CLSTN2: variants seen among roughly 807,000 people sequenced by gnomAD.
The protein encoded by CLSTN2 is calsyntenin-2.
CLSTN2 carries 48 observed loss-of-function variants against 101.2 expected under a neutral mutation model. That is an observed-to-expected ratio of 0.47 (90% CI 0.38 to 0.60). The LOEUF (loss-of-function observed/expected upper bound fraction) is 0.60, where lower values mean the gene tolerates loss of function less well. Ranked by LOEUF, CLSTN2 falls within the 20% of genes least tolerant of loss-of-function variation. CLSTN2 has a pLI of 0.00. For missense variants in CLSTN2, 1,160 were observed against 1,238.2 expected, an observed-to-expected ratio of 0.94 and a Z score of 0.95; for synonymous variants, 481 against 463.6, an observed-to-expected ratio of 1.04 and a Z score of -0.48.
At chr3:140,052,409 GC>G (rs1333792036) in intron 1 of CLSTN2, among the ~76,000 whole-genome samples, 2 of 152,060 alleles carry the variant, frequency 1.3e-5, no homozygotes, top group African/African-American at 2.4e-5. Flanking sequence ...ACCTGCCTCG[GC>G]CTCCCAAAGT....
intron 2 of CLSTN2, among the ~76,000 whole-genome samples, chr3:140,369,852 G>C (rs1483530200): frequency 6.6e-6 from 1 of 152,222 alleles, no homozygotes; most frequent in Non-Finnish European, 1.5e-5. Context: ...ACTATGGGTA[G>C]CACCACCCAA....
chr3:140,094,823 C>T (rs2008841526), intron 1 of CLSTN2, among the ~76,000 whole-genome samples: 1 of 152,188 alleles, frequency 6.6e-6, no homozygotes, highest in Non-Finnish European at 1.5e-5. Context: ...TTTCTGAAGT[C>T]TGTTGAGCAC....
chr3:140,486,217 A>T (rs1934239444), intron 8 of CLSTN2, among the ~76,000 whole-genome samples: 1 of 152,232 alleles, frequency 6.6e-6, no homozygotes, highest in Non-Finnish European at 1.5e-5. Context: ...GGAATGACAA[A>T]GGAAGTCCTT....
intron 2 of CLSTN2, among the ~76,000 whole-genome samples, chr3:140,313,718 G>A (rs1297107970): frequency 6.6e-6 from 1 of 152,218 alleles, no homozygotes; most frequent in Non-Finnish European, 1.5e-5. Flanking sequence ...CTCACAAAGT[G>A]AAGTGTGTCA....
intron 2 of CLSTN2, among the ~76,000 whole-genome samples, chr3:140,383,187 A>T (rs978254244): frequency 1.3e-5 from 2 of 152,218 alleles, no homozygotes; most frequent in African/African-American, 4.8e-5. Flanking sequence ...TTTCTACTGT[A>T]TGACACTCAG....
intron 1 of CLSTN2, among the ~76,000 whole-genome samples, chr3:140,055,536 G>A (rs567072720): frequency 5.4e-4 from 82 of 152,262 alleles, no homozygotes; most frequent in African/African-American, 1.9e-3. Flanking sequence ...ACAAACCAAG[G>A]CGTAAACCTT....
chr3:140,388,832 A>G (rs73867150), intron 2 of CLSTN2, among the ~76,000 whole-genome samples: 23,881 of 152,130 alleles, frequency 0.16, 1,942 homozygotes, highest in East Asian at 0.2. Context: ...CTAATATTTC[A>G]CCATTAATGT....
At chr3:140,252,939 G>A (rs760396135) in intron 2 of CLSTN2, among the ~76,000 whole-genome samples, 5 of 152,164 alleles carry the variant, frequency 3.3e-5, no homozygotes, top group Non-Finnish European at 5.9e-5. Flanking sequence ...CTCTGTGGAA[G>A]CCAGGGTGAC....
intron 5 of CLSTN2, among the ~76,000 whole-genome samples, chr3:140,439,032 A>T (rs1450524081): frequency 6.6e-6 from 1 of 152,230 alleles, no homozygotes; most frequent in Non-Finnish European, 1.5e-5. Flanking sequence ...AGGGCTTGGC[A>T]CAGGCTCTAA....
At chr3:140,215,508 G>T (rs1055647072) in intron 2 of CLSTN2, among the ~76,000 whole-genome samples, 3 of 152,212 alleles carry the variant, frequency 2.0e-5, no homozygotes, top group African/African-American at 7.2e-5. Context: ...TGGATAGGGG[G>T]TTGGAAATGA....
At chr3:140,181,308 G>A (rs188533082) in intron 2 of CLSTN2, among the ~76,000 whole-genome samples, 62 of 152,260 alleles carry the variant, frequency 4.1e-4, no homozygotes, top group Admixed American at 2.0e-3. Flanking sequence ...TCATAGTTGT[G>A]ATAATCATAG....
At chr3:140,165,680 C>T (rs1324288687) in intron 1 of CLSTN2, among the ~76,000 whole-genome samples, 1 of 152,132 alleles carries the variant, frequency 6.6e-6, no homozygotes, top group African/African-American at 2.4e-5. Flanking sequence ...ATCTGATCTC[C>T]TAATGGAGGG....
chr3:140,088,386 C>T (rs2008714557), intron 1 of CLSTN2, among the ~76,000 whole-genome samples: 2 of 152,166 alleles, frequency 1.3e-5, no homozygotes, highest in African/African-American at 2.4e-5. Context: ...TCAAGGTTGA[C>T]TTTTATGTGA....
chr3:139,939,312 A>C (rs1359707462), intron 1 of CLSTN2, among the ~76,000 whole-genome samples: 2 of 152,220 alleles, frequency 1.3e-5, no homozygotes, highest in Non-Finnish European at 2.9e-5. Context: ...GTGTTAGCCC[A>C]TTTCACAGAT....
At chr3:140,267,854 C>T (rs1050691357) in intron 2 of CLSTN2, among the ~76,000 whole-genome samples, 2 of 152,140 alleles carry the variant, frequency 1.3e-5, no homozygotes, top group African/African-American at 4.8e-5. Context: ...AAGGATATAA[C>T]TGTGAGCAGA....
intron 2 of CLSTN2, among the ~76,000 whole-genome samples, chr3:140,361,841 A>T (rs1306955971): frequency 6.6e-6 from 1 of 152,126 alleles, no homozygotes; most frequent in African/African-American, 2.4e-5. Flanking sequence ...GATCTAATAA[A>T]TGGAGAAATA....
intron 2 of CLSTN2, among the ~76,000 whole-genome samples, chr3:140,226,689 A>G (rs1159891742): frequency 6.6e-6 from 1 of 152,222 alleles, no homozygotes; most frequent in African/African-American, 2.4e-5. Context: ...GTCCATTTTC[A>G]TGCTGCTGAT....
chr3:139,948,462 C>G (rs1267840110), intron 1 of CLSTN2, among the ~76,000 whole-genome samples: 1 of 148,840 alleles, frequency 6.7e-6, no homozygotes, highest in Non-Finnish European at 1.5e-5. Context: ...GACTCCATCT[C>G]AAGAAAAAAA....
At chr3:140,470,698 T>C (rs1405730012) in intron 8 of CLSTN2, among the ~76,000 whole-genome samples, 1 of 152,234 alleles carries the variant, frequency 6.6e-6, no homozygotes, top group African/African-American at 2.4e-5. Context: ...AGAAGACTGA[T>C]AATTTTAGAG....
Sources: gnomAD v4.1 joint callset for allele counts (sites outside exome capture counted in the v4.1 genomes callset) on GRCh38, gnomAD v4.1.1 for gene constraint, MANE v1.5 for transcripts, NCBI Gene and HGNC (gene_info 2026-07-23, HGNC 2026-07-21) for gene names.